Variants in FHL5 observed in about 807,000 individuals in gnomAD.
FHL5 encodes four and a half LIM domains protein 5.
FHL5 carries 33 observed loss-of-function variants against 32.0 expected under a neutral mutation model. The ratio of observed to expected loss-of-function variants is 1.03; its 90% CI spans 0.78 to 1.38. FHL5 has a LOEUF of 1.38. FHL5 is among the 40% of genes most tolerant of loss of function. The pLI is 0.00. For synonymous variants in FHL5, 114 were observed against 113.6 expected, an observed-to-expected ratio of 1.00 and a Z score of -0.02; for missense variants, 336 against 343.9, an observed-to-expected ratio of 0.98 and a Z score of 0.18.
intron 5 of FHL5, among the ~76,000 whole-genome samples, chr6:96,613,590 AT>A (rs1214282173): frequency 5.3e-5 from 8 of 152,294 alleles, no homozygotes; most frequent in African/African-American, 1.9e-4. Context: ...ATCTCTGTTT[AT>A]TTCAAGGAAA....
rs541925053 is a variant in FHL5 at position 96,590,001 on chromosome 6, T to C, written c.-12-13601T>C. On this transcript the variant is annotated intron_variant, in intron 1 of 5. Transcript: ENST00000450218. ...TATGTATAGACTTGCTTTTGAGCTCTCTATTCTGTTCTGGTGATCTAAGTA... is the reference window on the plus strand; with the variant it reads ...TATGTATAGACTTGCTTTTGAGCTCCCTATTCTGTTCTGGTGATCTAAGTA... Among the ~76,000 whole-genome samples, 6 of 152,184 alleles carry C rather than the reference T, an allele frequency of 3.9e-5. No individual in the cohort carries two copies. The South Asian group carries it at 1.2e-3, about 32-fold the overall frequency.
At position 96,615,613 on chromosome 6, in the gene FHL5, C is replaced by T; in HGVS notation, c.696C>T (p.Leu232=). ...CVACSKPISG[L]TGAKFICFQD... Reference sequence around the variant, plus strand: ...TTTTCTCCAATTCCTTTACAGGTCTCACAGGTGCCAAGTTTATCTGCTTTC... The same window carrying T: ...TTTTCTCCAATTCCTTTACAGGTCTTACAGGTGCCAAGTTTATCTGCTTTC... The change falls in exon 6 of 6, where the codon CTC becomes CTT. Residue 232 remains leucine, a synonymous_variant. Coordinates refer to ENST00000450218, the MANE Select transcript of FHL5 (RefSeq NM_001322466.2). 1 of 1,605,592 alleles carries T rather than the reference C, an allele frequency of 6.2e-7. No homozygotes were observed. Among genetic ancestry groups the T allele is most frequent in the Non-Finnish European group, 8.5e-7 (1 of 1,176,116 alleles).
rs1244259066 is a variant in FHL5 at position 96,603,768 on chromosome 6, C to T, written c.155C>T (p.Ser52Phe). 1 of 1,607,766 alleles carries T rather than the reference C, an allele frequency of 6.2e-7. No homozygotes were observed. Among genetic ancestry groups the T allele is most frequent in the South Asian group, 1.1e-5 (1 of 89,902 alleles). Residue 52 changes from serine (S) to phenylalanine (F), a missense_variant, in exon 2 of 6, where the codon TCT (serine) becomes TTT (phenylalanine). Transcript: ENST00000450218. ...TGCAAAAAACCAATTGAATCTGATT[C>T]TAAGGTAAGTCTCACCTCAATTTAC... ...EECKKPIESD[S>F]KDLCYKDRHW...
At chr6:96,610,520 T>A in intron 4 of FHL5, 52 bp from the exon 5 acceptor site, 1 of 1,324,534 alleles carries the variant, frequency 7.5e-7, no homozygotes, top group Non-Finnish European at 1.1e-6. Flanking sequence ...CATGAAATGA[T>A]CTGAATTGTA....
intron 5 of FHL5, 115 bp downstream of exon 5, chr6:96,610,873 C>A: frequency 1.4e-6 from 1 of 739,704 alleles, no homozygotes; most frequent in Non-Finnish European, 2.2e-6. Flanking sequence ...TTTATATTTC[C>A]TTTTGAGATA....
At chr6:96,597,284 T>G (rs1298168449) in intron 1 of FHL5, among the ~76,000 whole-genome samples, 5 of 152,086 alleles carry the variant, frequency 3.3e-5, no homozygotes, top group Admixed American at 2.0e-4. Flanking sequence ...TTGATTAATA[T>G]ATTTTATTTT....
intron 2 of FHL5, 36 bp downstream of exon 2, chr6:96,603,808 T>C (rs1771209950): frequency 6.4e-7 from 1 of 1,564,678 alleles, no homozygotes; most frequent in Non-Finnish European, 8.7e-7. Context: ...TTACTGCCTA[T>C]GAACAGCAAA....
intron 1 of FHL5, among the ~76,000 whole-genome samples, chr6:96,580,350 A>G (rs942355701): frequency 1.3e-5 from 2 of 152,186 alleles, no homozygotes; most frequent in Non-Finnish European, 1.5e-5. Context: ...GTAAGATATA[A>G]TGGTTGCTCT....
chr6:96,587,274 A>G (rs911054894), intron 1 of FHL5, among the ~76,000 whole-genome samples: 25 of 152,216 alleles, frequency 1.6e-4, no homozygotes, highest in Non-Finnish European at 8.8e-5. Context: ...ATTTCTATGG[A>G]AAATTATTAG....
chr6:96,594,202 A>G (rs1770980119), intron 1 of FHL5, among the ~76,000 whole-genome samples: 1 of 144,134 alleles, frequency 6.9e-6, no homozygotes, highest in Non-Finnish European at 1.5e-5. Context: ...AAAGAACTGG[A>G]AAAGGATCCA....
chr6:96,610,684 A>T lies in FHL5; in HGVS notation c.617A>T (p.Asp206Val), dbSNP rs1454720955. 58 of 1,613,772 alleles carry T rather than the reference A, an allele frequency of 3.6e-5. No homozygotes were observed. The highest frequency in any genetic ancestry group is 4.4e-5 in the Non-Finnish European group (52 of 1,179,668). Residue 206 changes from aspartate (D) to valine (V), a missense_variant, in exon 5 of 6, where the codon GAC becomes GTC. Physicochemically the swap from Asp to Val is radical, Grantham distance 152. Coordinates refer to ENST00000450218, the MANE Select transcript of FHL5 (RefSeq NM_001322466.2). ...LCEEQFMSRDDYPFCVDCYNH... is the reference protein window; with the variant it reads ...LCEEQFMSRDVYPFCVDCYNH... The stretch of plus-strand genomic sequence containing the variant: ...GAAGAACAGTTCATGTCCAGAGACG[A>T]CTATCCATTCTGCGTGGACTGCTAC...
chr6:96,608,791 T>C (rs1332911384), intron 4 of FHL5, among the ~76,000 whole-genome samples: 3 of 152,230 alleles, frequency 2.0e-5, no homozygotes, highest in Non-Finnish European at 4.4e-5. Context: ...TTAGACTTTA[T>C]CTTACCTTCC....
Position 96,604,942 on chromosome 6 carries a change from C to T in FHL5, c.334+18C>T, listed in dbSNP as rs1359769459. ...CATGCCTGGTAGGGTCTCAAGGGGG[C>T]TCCTGTCTCTAACTGAAGCTGTGAT... On this transcript the variant is annotated intron_variant, in intron 3 of 5. Transcript: ENST00000450218. 3 of 1,566,590 alleles carry T rather than the reference C, an allele frequency of 1.9e-6. No individual in the cohort carries two copies. The South Asian group carries it at 3.5e-5, about 19-fold the overall frequency.
intron 1 of FHL5, among the ~76,000 whole-genome samples, chr6:96,601,995 T>C (rs1771158097): frequency 6.6e-6 from 1 of 152,222 alleles, no homozygotes; most frequent in South Asian, 2.1e-4. Context: ...GCATTTCATC[T>C]CTTTCCTGGG....
chr6:96,615,552 A>T, intron 5 of FHL5, 57 bp from the exon 6 acceptor site: 1 of 1,436,468 alleles, frequency 7.0e-7, no homozygotes, highest in South Asian at 1.4e-5. Flanking sequence ...ATCTGCTAGA[A>T]TGCTCAATCT....
At chr6:96,601,997 T>C (rs1259122289) in intron 1 of FHL5, among the ~76,000 whole-genome samples, 3 of 152,232 alleles carry the variant, frequency 2.0e-5, no homozygotes, top group Non-Finnish European at 4.4e-5. Context: ...ATTTCATCTC[T>C]TTCCTGGGAA....
intron 1 of FHL5, among the ~76,000 whole-genome samples, chr6:96,584,437 G>GTA (rs1233407474): frequency 1.9e-5 from 2 of 103,410 alleles, no homozygotes; most frequent in Non-Finnish European, 4.0e-5. Context: ...GGTGGGATAT[G>GTA]TGTGTGTGTG....
chr6:96,612,623 A>T (rs1422612175), intron 5 of FHL5, among the ~76,000 whole-genome samples: 1 of 152,158 alleles, frequency 6.6e-6, no homozygotes, highest in African/African-American at 2.4e-5. Context: ...AAACATGAGG[A>T]TGATCAAAAG....
intron 5 of FHL5, among the ~76,000 whole-genome samples, chr6:96,613,708 G>A (rs547484315): frequency 2.0e-5 from 3 of 152,202 alleles, no homozygotes; most frequent in African/African-American, 7.2e-5. Context: ...TAAAAGCAGA[G>A]ACTCTAAAGA....
Sources: allele counts gnomAD v4.1 joint callset (sites outside exome capture counted in the v4.1 genomes callset), GRCh38; gene constraint gnomAD v4.1.1; transcripts MANE v1.5; gene names NCBI Gene and HGNC (gene_info 2026-07-23, HGNC 2026-07-21).